KCNQ1: variants seen among roughly 807,000 people sequenced by gnomAD.
The protein encoded by KCNQ1 is potassium voltage-gated channel subfamily Q member 1, also known as potassium voltage-gated channel subfamily KQT member 1.
In KCNQ1, 49 loss-of-function variants were observed where a neutral mutation model predicts 72.4. The ratio of observed to expected loss-of-function variants is 0.68; its 90% CI spans 0.54 to 0.86. The LOEUF (loss-of-function observed/expected upper bound fraction) is 0.86. Among genes scored for constraint, KCNQ1 ranks in the 40% least tolerant of loss-of-function variants. KCNQ1 has a pLI of 0.00. For missense variants in KCNQ1, 790 were observed against 945.1 expected, an observed-to-expected ratio of 0.84 and a Z score of 2.15; for synonymous variants, 450 against 412.6, an observed-to-expected ratio of 1.09 and a Z score of -1.10.
chr11:2,527,505 C>T (rs1353941496), intron 1 of KCNQ1, among the ~76,000 whole-genome samples: 1 of 152,230 alleles, frequency 6.6e-6, no homozygotes, highest in African/African-American at 2.4e-5. Flanking sequence ...GTAGCCACCA[C>T]CACCATCCAC....
In KCNQ1 at chr11:2,608,941, T is replaced by C. The variant is rs1848928900; in HGVS notation, c.1393+20087T>C. On this transcript the variant is annotated intron_variant, in intron 10 of 15. Transcript: ENST00000155840. The surrounding 1 kb of genome is among the most constrained non-coding windows in gnomAD (Gnocchi z 4.6). ...CCTTCTTTTCTTCTCCCTCTCCCTC[T>C]CTCTTACCAATCTATCAAAGGTTTG... 1 of 398,382 alleles carries C rather than the reference T, an allele frequency of 2.5e-6. No homozygotes were observed. The highest frequency in any genetic ancestry group is 4.4e-6 in the Non-Finnish European group (1 of 226,058). 24.7% of individuals were successfully genotyped at this position (398,382 alleles called of 1,614,324 possible).
chr11:2,610,111 T>C lies in KCNQ1; in HGVS notation c.1393+21257T>C, dbSNP rs190484983. On this transcript the variant is annotated intron_variant, in intron 10 of 15. Transcript: ENST00000155840. ...CTATTTCTCCTTTGCTGCTTTCTTT[T>C]CCATCTAGTGACTACTTTCTAATAT... The C allele has an allele frequency of 3.5e-3, 1,376 of 397,978 alleles. 1 individual carries two copies. Among genetic ancestry groups the C allele is most frequent in the Non-Finnish European group, 4.7e-3 (1,055 of 225,724 alleles). 24.7% of individuals were successfully genotyped at this position (397,978 alleles called of 1,614,324 possible).
chr11:2,754,649 G>T (rs1846272509), intron 11 of KCNQ1, among the ~76,000 whole-genome samples: 1 of 152,188 alleles, frequency 6.6e-6, no homozygotes, highest in African/African-American at 2.4e-5. Context: ...CCTCCAGAAG[G>T]AAAAAGCTAG....
intron 11 of KCNQ1, chr11:2,688,819 C>T (rs1249088745): frequency 5.0e-6 from 2 of 398,746 alleles, no homozygotes; most frequent in African/African-American, 2.1e-5. Context: ...CCTGGCCCAT[C>T]CCACAAAGAG....
chr11:2,799,914 C>T (rs780878452), intron 15 of KCNQ1, among the ~76,000 whole-genome samples: 9 of 152,106 alleles, frequency 5.9e-5, no homozygotes, highest in South Asian at 2.1e-4. Context: ...CACGCCTGCC[C>T]GTCAGTCCTC....
rs1564860487 is a variant in KCNQ1 at position 2,693,702 on chromosome 11, A to T, written c.1514+31621A>T. On this transcript the variant is annotated intron_variant, in intron 11 of 15. Transcript: ENST00000155840. ...CAGAGACTGGGTGCGCTCCAGCCTC[A>T]TGGGCCTTCCTGGCTGGTGTGACTG... is the stretch of plus-strand genomic sequence containing the variant. 1.0e-5 allele frequency: 4 copies of T among 398,688 alleles called. No individual in the cohort carries two copies. The East Asian group carries it at 1.4e-4, about 14-fold the overall frequency. The allele number at this position is 398,688 out of a possible 1,614,324, so 24.7% of individuals were successfully genotyped here. A position where few individuals can be genotyped will look rare whatever the true frequency, so the allele number is the denominator to read the frequency against.
At chr11:2,487,492 A>T (rs971713360) in intron 1 of KCNQ1, among the ~76,000 whole-genome samples, 1 of 152,208 alleles carries the variant, frequency 6.6e-6, no homozygotes, top group African/African-American at 2.4e-5. Flanking sequence ...ATTGTCTTCT[A>T]ATCCATGAAC....
intron 11 of KCNQ1, chr11:2,685,743 C>A (rs2133885847): frequency 5.0e-6 from 2 of 398,714 alleles, no homozygotes; most frequent in South Asian, 1.3e-4. Flanking sequence ...CCGAAATGGC[C>A]AGCAGGCAGG....
rs1271399243 is a variant in KCNQ1, at chr11:2,809,445, G to A, written c.1794+31408G>A. Among the ~76,000 whole-genome samples, 1 of 152,150 alleles carries A rather than the reference G, an allele frequency of 6.6e-6. No homozygotes were observed. The highest frequency in any genetic ancestry group is 6.5e-5 in the Admixed American group (1 of 15,280). ...TGTTCATTTATGGGTTGTTGTTACCGTGGCATTGGTCCAGGTTTGTGATAC... is the reference window on the plus strand; with the variant it reads ...TGTTCATTTATGGGTTGTTGTTACCATGGCATTGGTCCAGGTTTGTGATAC... On this transcript the variant is annotated intron_variant, in intron 15 of 15. Coordinates refer to ENST00000155840, the MANE Select transcript of KCNQ1 (RefSeq NM_000218.3). The surrounding 1 kb of genome is among the most constrained non-coding windows in gnomAD (Gnocchi z 7.1).
intron 1 of KCNQ1, among the ~76,000 whole-genome samples, chr11:2,521,808 T>C (rs1401497056): frequency 3.3e-5 from 5 of 152,248 alleles, no homozygotes. Flanking sequence ...CCACCCGGAC[T>C]GGATTTGCTT....
chr11:2,708,841 C>G (rs1850955710), intron 11 of KCNQ1, among the ~76,000 whole-genome samples: 1 of 152,118 alleles, frequency 6.6e-6, no homozygotes, highest in South Asian at 2.1e-4. Flanking sequence ...AGCCTGGCAA[C>G]AGGGGCAGCT....
intron 11 of KCNQ1, chr11:2,686,645 G>C: frequency 2.5e-6 from 1 of 398,684 alleles, no homozygotes; most frequent in Non-Finnish European, 4.4e-6. Flanking sequence ...AGGCTGCACA[G>C]AGCATGGCCG....
intron 1 of KCNQ1, among the ~76,000 whole-genome samples, chr11:2,501,718 CAAAAAAAAAAAAAAAAA>C (rs55865890): frequency 1.5e-4 from 10 of 68,888 alleles, no homozygotes; most frequent in Non-Finnish European, 2.0e-4. Context: ...AAAGATACAT[CAAAAAAAAAAAAAAAAA>C]AAAAAAAAAA....
intron 11 of KCNQ1, chr11:2,666,810 A>G: frequency 2.5e-6 from 1 of 398,696 alleles, no homozygotes; most frequent in Non-Finnish European, 4.4e-6. Flanking sequence ...TTTGGTGGGA[A>G]AGGACAGAAA....
At chr11:2,838,746 C>G (rs1368886456) in intron 15 of KCNQ1, among the ~76,000 whole-genome samples, 3 of 152,066 alleles carry the variant, frequency 2.0e-5, no homozygotes, top group Non-Finnish European at 4.4e-5. Context: ...GCCCCCGTGG[C>G]CGGGCTGGGG....
At position 2,779,517 on chromosome 11, in the gene KCNQ1, C is replaced by T. The variant is rs540672504; in HGVS notation, c.1794+1480C>T. On this transcript the variant is annotated intron_variant, in intron 15 of 15. Coordinates refer to ENST00000155840, the MANE Select transcript of KCNQ1 (RefSeq NM_000218.3). Reference sequence around the variant, plus strand: ...GAACATCCCTGACGTGCAGGAGTGTCGGTGGCCCTTTCTGGACAGCACAGG... The same window carrying T: ...GAACATCCCTGACGTGCAGGAGTGTTGGTGGCCCTTTCTGGACAGCACAGG... Among the ~76,000 whole-genome samples, 8 of 152,224 alleles carry T rather than the reference C, an allele frequency of 5.3e-5. No individual in the cohort carries two copies. The East Asian group carries it at 5.8e-4, about 11-fold the overall frequency.
At chr11:2,610,716 C>CTTTTTTTTTTTTTTT (rs1167505141) in intron 10 of KCNQ1, 30 of 230,168 alleles carry the variant, frequency 1.3e-4, no homozygotes, top group Admixed American at 3.1e-4. Flanking sequence ...TCTTGGTTGG[C>CTTTTTTTTTTTTTTT]TTTTTTTTTT....
chr11:2,756,665 G>A (rs536212751), intron 11 of KCNQ1, among the ~76,000 whole-genome samples: 38 of 151,956 alleles, frequency 2.5e-4, no homozygotes, highest in African/African-American at 9.2e-4. Flanking sequence ...TGCCCAGGCT[G>A]GTCTTGAACT....
rs1278251721 is a variant in KCNQ1, at chr11:2,642,443, A to C, written c.1394-19518A>C. ...ATATAGAAATAAGCCTGATTTTTAAATCCTGTAACTGTAATCAATTTATTG... is the reference window on the plus strand; with the variant it reads ...ATATAGAAATAAGCCTGATTTTTAACTCCTGTAACTGTAATCAATTTATTG... On this transcript the variant is annotated intron_variant, in intron 10 of 15. Coordinates refer to ENST00000155840, the MANE Select transcript of KCNQ1 (RefSeq NM_000218.3). The surrounding 1 kb of genome is among the most constrained non-coding windows in gnomAD (Gnocchi z 4.3). The C allele has an allele frequency of 2.5e-6, 1 of 397,994 alleles. No individual in the cohort carries two copies. Among genetic ancestry groups the C allele is most frequent in the African/African-American group, 2.1e-5 (1 of 48,600 alleles). The allele number at this position is 397,994 out of a possible 1,614,324, so 24.7% of individuals were successfully genotyped here.
Sources: allele counts gnomAD v4.1 joint callset (sites outside exome capture counted in the v4.1 genomes callset), GRCh38; gene constraint gnomAD v4.1.1; non-coding constraint Gnocchi (gnomAD v3.1); transcripts MANE v1.5; gene names NCBI Gene and HGNC (gene_info 2026-07-23, HGNC 2026-07-21).